Variants in FRMD5 observed in about 807,000 individuals in gnomAD.
The protein encoded by FRMD5 is FERM domain containing 5, also known as FERM domain-containing protein 5.
In FRMD5, 20 loss-of-function variants were observed where a neutral mutation model predicts 69.0. The observed-to-expected ratio is 0.29, with a 90% CI of 0.20 to 0.42. The LOEUF is 0.42. FRMD5 is among the 10% of genes least tolerant of loss of function. FRMD5 has a pLI of 1.00. For missense variants in FRMD5, 595 were observed against 708.6 expected (o/e 0.84, Z 1.82); for synonymous variants, 271 against 260.1 (o/e 1.04, Z -0.40).
chr15:44,021,469 C>T (rs1381665112), intron 1 of FRMD5, among the ~76,000 whole-genome samples: 3 of 152,038 alleles, frequency 2.0e-5, no homozygotes, highest in Non-Finnish European at 4.4e-5. Context: ...AAAGGCCAAA[C>T]AATTTTATTT....
chr15:43,951,965 GTGTGTGTGTGTGTGT>G (rs1450629080), intron 1 of FRMD5, among the ~76,000 whole-genome samples: 5 of 122,680 alleles, frequency 4.1e-5, no homozygotes, highest in Admixed American at 1.5e-4. Flanking sequence ...ATGTGCATGT[GTGTGTGTGTGTGTGT>G]TGTGTGTGTG....
chr15:44,057,708 C>G (rs865777269), intron 1 of FRMD5, among the ~76,000 whole-genome samples: 1 of 152,154 alleles, frequency 6.6e-6, no homozygotes, highest in African/African-American at 2.4e-5. Flanking sequence ...GATTAGGAAT[C>G]GACACACATT....
At chr15:44,010,455 TG>T (rs1325975232) in intron 1 of FRMD5, among the ~76,000 whole-genome samples, 2 of 150,854 alleles carry the variant, frequency 1.3e-5, no homozygotes, top group Non-Finnish European at 2.9e-5. Flanking sequence ...TGGAGTGCAG[TG>T]GCACGATCTC....
intron 1 of FRMD5, among the ~76,000 whole-genome samples, chr15:44,114,508 T>C (rs74801876): frequency 1.7e-4 from 26 of 152,202 alleles, no homozygotes; most frequent in African/African-American, 6.3e-4. Flanking sequence ...GCATTTCTTC[T>C]GACTTCTCTA....
intron 1 of FRMD5, among the ~76,000 whole-genome samples, chr15:44,140,417 G>A (rs2077251882): frequency 2.0e-5 from 3 of 152,012 alleles, no homozygotes; most frequent in African/African-American, 7.2e-5. Context: ...CGTGTAAAGA[G>A]GGGTAGTCAA....
intron 1 of FRMD5, among the ~76,000 whole-genome samples, chr15:44,078,127 C>T (rs1203371655): frequency 2.6e-5 from 4 of 152,092 alleles, no homozygotes; most frequent in Non-Finnish European, 4.4e-5. Context: ...TAGCTGAATG[C>T]TTTCCAATCA....
At chr15:44,116,404 C>T (rs1305406274) in intron 1 of FRMD5, among the ~76,000 whole-genome samples, 1 of 151,948 alleles carries the variant, frequency 6.6e-6, no homozygotes, top group East Asian at 1.9e-4. Context: ...GGACTAAGGA[C>T]GCCACCACAC....
rs535294279 is a variant in FRMD5, at chr15:44,191,938, A to C, written c.102+3015T>G. 2.6e-3 allele frequency among the ~76,000 whole-genome samples: 322 copies of C among 125,792 alleles called. 4 individuals are homozygous for C. Among genetic ancestry groups the C allele is most frequent in the African/African-American group, 9.5e-3 (312 of 33,014 alleles). 82.5% of individuals were successfully genotyped at this position (125,792 alleles called of 152,430 possible). A position where few individuals can be genotyped will look rare whatever the true frequency, so the allele number is the denominator to read the frequency against. ...ATATATATATTATATATATATATAT[A>C]TATGTATCTCCATAAATGAAACAGA... On this transcript the variant is annotated intron_variant, in intron 1 of 13. Transcript: ENST00000417257.
At chr15:43,920,545 A>G (rs2089476214) in intron 2 of FRMD5, among the ~76,000 whole-genome samples, 1 of 152,210 alleles carries the variant, frequency 6.6e-6, no homozygotes, top group Non-Finnish European at 1.5e-5. Context: ...TGGGGGAAGC[A>G]ATGAAACCAT....
chr15:43,960,078 C>T (rs1250590725), intron 1 of FRMD5, among the ~76,000 whole-genome samples: 4 of 151,462 alleles, frequency 2.6e-5, no homozygotes, highest in Non-Finnish European at 4.4e-5. Flanking sequence ...CCACCATGCC[C>T]AGCTAATTTT....
At chr15:44,088,626 A>G (rs1894303203) in intron 1 of FRMD5, among the ~76,000 whole-genome samples, 6 of 152,132 alleles carry the variant, frequency 3.9e-5, no homozygotes, top group Admixed American at 3.9e-4. Context: ...AGAGGTACTC[A>G]GGACTGAAGT....
At chr15:43,957,142 G>C (rs2070555775) in intron 1 of FRMD5, among the ~76,000 whole-genome samples, 1 of 152,108 alleles carries the variant, frequency 6.6e-6, no homozygotes, top group Admixed American at 6.6e-5. Flanking sequence ...ACAGATGTGA[G>C]AACTGAGTGA....
In FRMD5 at chr15:43,902,163, A is replaced by AGG. The variant is rs1566823954; in HGVS notation, c.639+10_639+11dup. On this transcript the variant is annotated intron_variant, in intron 7 of 13. Transcript: ENST00000417257. ...AGGAAAGGTCATGCAGTCTCCAACCAGGGGGTCTTACCTTACATGGGTGAG... is the reference window on the plus strand; with the variant it reads ...AGGAAAGGTCATGCAGTCTCCAACCAGGGGGGGTCTTACCTTACATGGGTGAG... 1 of 1,606,894 alleles carries AGG rather than the reference A, an allele frequency of 6.2e-7. No homozygotes were observed. Among genetic ancestry groups the AGG allele is most frequent in the Admixed American group, 1.7e-5 (1 of 60,010 alleles).
chr15:43,990,824 T>G (rs1216759599), intron 1 of FRMD5, among the ~76,000 whole-genome samples: 3 of 152,140 alleles, frequency 2.0e-5, no homozygotes, highest in Admixed American at 1.3e-4. Flanking sequence ...GAAAAGACAG[T>G]TGAAGTGGTA....
intron 1 of FRMD5, among the ~76,000 whole-genome samples, chr15:43,969,354 G>A (rs1383179988): frequency 6.6e-6 from 1 of 151,994 alleles, no homozygotes; most frequent in African/African-American, 2.4e-5. Context: ...AGTTTTGCTG[G>A]GATTACAGGC....
At chr15:44,186,067 A>G (rs2078095835) in intron 1 of FRMD5, among the ~76,000 whole-genome samples, 1 of 152,100 alleles carries the variant, frequency 6.6e-6, no homozygotes, top group South Asian at 2.1e-4. Context: ...AGCTGGGATT[A>G]CAGGCATGCG....
intron 1 of FRMD5, among the ~76,000 whole-genome samples, chr15:44,124,706 C>A (rs1357972449): frequency 1.3e-5 from 2 of 151,720 alleles, no homozygotes; most frequent in Non-Finnish European, 2.9e-5. Context: ...CTCAAAAAAA[C>A]AATAATAATA....
At chr15:43,928,171 G>A (rs28537381) in intron 1 of FRMD5, among the ~76,000 whole-genome samples, 2,920 of 152,244 alleles carry the variant, frequency 0.019, 92 homozygotes, top group African/African-American at 0.067. Flanking sequence ...CTCCCCCGCC[G>A]TGAAGACATA....
At chr15:43,988,409 T>C (rs916597631) in intron 1 of FRMD5, among the ~76,000 whole-genome samples, 3 of 152,014 alleles carry the variant, frequency 2.0e-5, no homozygotes. Flanking sequence ...ATGTGCATTG[T>C]TTTTTTAGAC....
Sources: allele counts gnomAD v4.1 joint callset (sites outside exome capture counted in the v4.1 genomes callset), GRCh38; gene constraint gnomAD v4.1.1; transcripts MANE v1.5; gene names NCBI Gene and HGNC (gene_info 2026-07-23, HGNC 2026-07-21).